ACTR3: variants seen among roughly 807,000 people sequenced by gnomAD.
ACTR3 encodes actin-related protein 3.
ACTR3 carries 12 observed loss-of-function variants against 56.8 expected under a neutral mutation model. The observed-to-expected ratio is 0.21, with a 90% CI of 0.14 to 0.34. The LOEUF (loss-of-function observed/expected upper bound fraction) is 0.34. Among genes scored for constraint, ACTR3 ranks in the 10% least tolerant of loss-of-function variants. The pLI is 1.00. For missense variants in ACTR3, 282 were observed against 512.5 expected, an observed-to-expected ratio of 0.55 and a Z score of 4.34; for synonymous variants, 162 against 167.4, an observed-to-expected ratio of 0.97 and a Z score of 0.25.
intron 3 of ACTR3, among the ~76,000 whole-genome samples, chr2:113,921,418 A>G (rs1165436337): frequency 1.3e-5 from 2 of 150,932 alleles, no homozygotes; most frequent in Non-Finnish European, 2.9e-5. Flanking sequence ...GACCCATTCC[A>G]TAACTTGTAT....
At chr2:113,905,066 C>T (rs910771109) in intron 1 of ACTR3, 1 of 152,076 alleles carries the variant, frequency 6.6e-6, no homozygotes. Flanking sequence ...GTTGAAATAA[C>T]CTTTTATAGT....
intron 7 of ACTR3, among the ~76,000 whole-genome samples, chr2:113,941,910 C>T (rs984495922): frequency 5.9e-5 from 9 of 152,026 alleles, no homozygotes; most frequent in African/African-American, 1.9e-4. Context: ...TGAACATTTT[C>T]AGGAAATAAC....
chr2:113,893,149 A>T (rs1458817589), intron 1 of ACTR3, among the ~76,000 whole-genome samples: 2 of 152,184 alleles, frequency 1.3e-5, no homozygotes, highest in Non-Finnish European at 2.9e-5. Flanking sequence ...ATTAGTGGTG[A>T]GAAAAGCATT....
intron 2 of ACTR3, among the ~76,000 whole-genome samples, chr2:113,915,240 CA>C (rs1422827009): frequency 6.6e-6 from 1 of 152,186 alleles, no homozygotes; most frequent in African/African-American, 2.4e-5. Flanking sequence ...AATGCGTCAG[CA>C]GGGTCATGCT....
At position 113,961,235 on chromosome 2, in the gene ACTR3, T is replaced by G. The variant is rs1408628342; in HGVS notation, c.*3780T>G. The G allele has an allele frequency of 6.6e-6, 1 of 151,992 alleles. No homozygotes were observed. The highest frequency in any genetic ancestry group is 1.5e-5 in the Non-Finnish European group (1 of 67,914). The allele number at this position is 151,992 out of a possible 1,614,324, so 9.4% of individuals were successfully genotyped here. On this transcript the variant is annotated 3_prime_UTR_variant, in exon 12 of 12. Coordinates refer to ENST00000263238, the MANE Select transcript of ACTR3 (RefSeq NM_005721.5). ...ATAGAATCTTAACAAAAATAAAATCTGTGGTCGTCTGAGGTATTCTCCATG... is the reference window on the plus strand; with the variant it reads ...ATAGAATCTTAACAAAAATAAAATCGGTGGTCGTCTGAGGTATTCTCCATG...
At chr2:113,936,806 A>G (rs1362487209) in intron 6 of ACTR3, among the ~76,000 whole-genome samples, 1 of 152,108 alleles carries the variant, frequency 6.6e-6, no homozygotes, top group Non-Finnish European at 1.5e-5. Flanking sequence ...AGGTATCAGG[A>G]TTTTGGCAGG....
chr2:113,932,026 G>A (rs908820192), intron 5 of ACTR3, among the ~76,000 whole-genome samples: 29 of 152,010 alleles, frequency 1.9e-4, no homozygotes, highest in South Asian at 4.2e-4. Context: ...ACTAAAGCTG[G>A]AAGGCACTTT....
chr2:113,931,159 C>G (rs1465264204), intron 4 of ACTR3, 142 bp from the exon 5 acceptor site: 1 of 502,726 alleles, frequency 2.0e-6, no homozygotes, highest in African/African-American at 2.0e-5. Context: ...TTCCTTTGAT[C>G]TCTGTGTCTG....
chr2:113,901,077 TGGGA>T (rs1679090522), intron 1 of ACTR3, among the ~76,000 whole-genome samples: 1 of 152,228 alleles, frequency 6.6e-6, no homozygotes, highest in African/African-American at 2.4e-5. Context: ...CCCAGCACTT[TGGGA>T]GGCCGAGGCC....
chr2:113,936,505 T>C (rs1279144628), intron 6 of ACTR3, among the ~76,000 whole-genome samples: 1 of 152,194 alleles, frequency 6.6e-6, no homozygotes, highest in Admixed American at 6.5e-5. Flanking sequence ...ATCTTTAACT[T>C]ACCACTGTCT....
chr2:113,957,581 T>C lies in ACTR3; in HGVS notation c.*126T>C, dbSNP rs1680239738. 7.7e-6 allele frequency: 5 copies of C among 648,348 alleles called. No homozygotes were observed. The highest frequency in any genetic ancestry group is 8.3e-6 in the Non-Finnish European group (3 of 362,704). 40.2% of individuals were successfully genotyped at this position (648,348 alleles called of 1,614,324 possible). On this transcript the variant is annotated 3_prime_UTR_variant, in exon 12 of 12. Coordinates refer to ENST00000263238, the MANE Select transcript of ACTR3 (RefSeq NM_005721.5). Reference sequence around the variant, plus strand: ...CTTGAAATAGTAACACCAAACATGATTATACAGGAATATTTTAATAAGTGT... The same window carrying C: ...CTTGAAATAGTAACACCAAACATGACTATACAGGAATATTTTAATAAGTGT...
At chr2:113,917,796 G>A (rs188967141) in intron 3 of ACTR3, among the ~76,000 whole-genome samples, 66 of 152,278 alleles carry the variant, frequency 4.3e-4, no homozygotes, top group Non-Finnish European at 6.9e-4. Context: ...TTATAATGTG[G>A]TGGAAAGGAA....
At chr2:113,939,252 G>C (rs1036900686) in intron 6 of ACTR3, among the ~76,000 whole-genome samples, 3 of 151,974 alleles carry the variant, frequency 2.0e-5, no homozygotes, top group Admixed American at 6.6e-5. Context: ...TCGATCTCCT[G>C]ACCTCGTGAT....
At chr2:113,922,344 A>T (rs77117804) in intron 3 of ACTR3, among the ~76,000 whole-genome samples, 3 of 152,240 alleles carry the variant, frequency 2.0e-5, no homozygotes, top group Non-Finnish European at 4.4e-5. Context: ...CAGAACACAG[A>T]TGACTGAATT....
At position 113,916,806 on chromosome 2, in the gene ACTR3, T is replaced by C. The variant is rs1679412484; in HGVS notation, c.101-78T>C. 3 of 1,284,716 alleles carry C rather than the reference T, an allele frequency of 2.3e-6. No homozygotes were observed. The South Asian group carries it at 4.8e-5, about 21-fold the overall frequency. The allele number at this position is 1,284,716 out of a possible 1,614,324, so 79.6% of individuals were successfully genotyped here. On this transcript the variant is annotated intron_variant, in intron 2 of 11. Coordinates refer to ENST00000263238, the MANE Select transcript of ACTR3 (RefSeq NM_005721.5). Reference sequence around the variant, plus strand: ...TCATGTTTTACTTTGTAGTACTTTGTAATGGGAGAAGTGTAAGGTAAAAGT... The same window carrying C: ...TCATGTTTTACTTTGTAGTACTTTGCAATGGGAGAAGTGTAAGGTAAAAGT...
Position 113,960,236 on chromosome 2 carries a change from A to G in ACTR3, c.*2781A>G, listed in dbSNP as rs1261372204. On this transcript the variant is annotated 3_prime_UTR_variant, in exon 12 of 12. Transcript: ENST00000263238. Reference sequence around the variant, plus strand: ...TTTTCAAAAAGTGAGCAAATTTCACATCTTCACCCTTAGACATTAATTCAT... The same window carrying G: ...TTTTCAAAAAGTGAGCAAATTTCACGTCTTCACCCTTAGACATTAATTCAT... 6.6e-6 allele frequency: 1 copy of G among 151,988 alleles called. No individual in the cohort carries two copies. The highest frequency in any genetic ancestry group is 1.9e-4 in the East Asian group (1 of 5,196). 9.4% of individuals were successfully genotyped at this position (151,988 alleles called of 1,614,324 possible). A position where few individuals can be genotyped will look rare whatever the true frequency, so the allele number is the denominator to read the frequency against.
At chr2:113,917,838 G>A (rs934978792) in intron 3 of ACTR3, among the ~76,000 whole-genome samples, 9 of 152,294 alleles carry the variant, frequency 5.9e-5, no homozygotes, top group Admixed American at 5.9e-4. Flanking sequence ...AGTGTGTTGG[G>A]GGTTAGAAGA....
At chr2:113,946,293 C>CT (rs892082616) in intron 8 of ACTR3, among the ~76,000 whole-genome samples, 14 of 150,916 alleles carry the variant, frequency 9.3e-5, no homozygotes, top group South Asian at 2.1e-4. Context: ...TTGCCAGCAC[C>CT]TTTTTTTTTC....
At chr2:113,929,035 G>A (rs1559476497) in intron 4 of ACTR3, among the ~76,000 whole-genome samples, 1 of 152,036 alleles carries the variant, frequency 6.6e-6, no homozygotes, top group African/African-American at 2.4e-5. Context: ...GCATATACTG[G>A]TGATTTGTTG....
Sources: gnomAD v4.1 joint callset for allele counts (sites outside exome capture counted in the v4.1 genomes callset) on GRCh38, gnomAD v4.1.1 for gene constraint, MANE v1.5 for transcripts, NCBI Gene and HGNC (gene_info 2026-07-23, HGNC 2026-07-21) for gene names.